PCGF3: variants seen among roughly 807,000 people sequenced by gnomAD.
The protein encoded by PCGF3 is polycomb group RING finger protein 3.
A neutral mutation model predicts 33.1 loss-of-function variants in PCGF3; 7 were observed. The observed-to-expected ratio is 0.21, with a 90% CI of 0.12 to 0.40. The LOEUF is 0.40. Among genes scored for constraint, PCGF3 ranks in the 10% least tolerant of loss-of-function variants. PCGF3 has a pLI of 1.00. For synonymous variants in PCGF3, 153 were observed against 121.3 expected, an observed-to-expected ratio of 1.26 and a Z score of -1.72; for missense variants, 211 against 313.3, an observed-to-expected ratio of 0.67 and a Z score of 2.46.
exon 11 of PCGF3, chr4:767,348 A>C (rs899356713): frequency 1.3e-5 from 2 of 152,348 alleles, no homozygotes; most frequent in East Asian, 3.9e-4. Context: ...TAACTTGGAA[A>C]TATGAAAAGG....
intron 1 of PCGF3, among the ~76,000 whole-genome samples, chr4:709,613 C>T (rs988521023): frequency 7.2e-5 from 11 of 152,256 alleles, no homozygotes; most frequent in South Asian, 2.1e-4. Flanking sequence ...GACATCCCCT[C>T]GGATTAGGCG....
intron 8 of PCGF3, among the ~76,000 whole-genome samples, chr4:751,685 C>T (rs934895148): frequency 3.3e-5 from 5 of 152,024 alleles, no homozygotes; most frequent in African/African-American, 1.2e-4. Context: ...CAGCCTTGTG[C>T]CCTCCCCCGG....
At chr4:734,142 A>G in intron 4 of PCGF3, 1 of 1,550,610 alleles carries the variant, frequency 6.4e-7, no homozygotes, top group Non-Finnish European at 8.7e-7. Flanking sequence ...GGAACCTTCC[A>G]GTGTGTTCTT....
exon 1 of PCGF3, chr4:705,934 G>A (rs1175313697): frequency 6.6e-6 from 1 of 152,126 alleles, no homozygotes; most frequent in Admixed American, 6.5e-5. Context: ...CGCGGACCCC[G>A]CGTGCGCCTT....
intron 4 of PCGF3, chr4:734,081 ACTG>A: frequency 6.4e-7 from 1 of 1,550,698 alleles, no homozygotes; most frequent in South Asian, 1.2e-5. Context: ...GACAGTGCTC[ACTG>A]CTGGCAGTTT....
intron 8 of PCGF3, among the ~76,000 whole-genome samples, chr4:758,643 G>A (rs1744899866): frequency 9.2e-6 from 1 of 108,446 alleles, no homozygotes. Context: ...CCCCTCTCCC[G>A]AGTTCTTCTC....
At chr4:752,063 G>C (rs1173185568) in intron 8 of PCGF3, among the ~76,000 whole-genome samples, 1 of 152,238 alleles carries the variant, frequency 6.6e-6, no homozygotes, top group Non-Finnish European at 1.5e-5. Flanking sequence ...AATACTTGAC[G>C]GGGCCTTTCT....
chr4:710,163 G>C (rs1467048856), intron 1 of PCGF3, among the ~76,000 whole-genome samples: 3 of 152,208 alleles, frequency 2.0e-5, no homozygotes, highest in Non-Finnish European at 2.9e-5. Context: ...CTGTTTCTGT[G>C]GGTTGGGAGA....
intron 8 of PCGF3, among the ~76,000 whole-genome samples, chr4:749,765 C>A (rs1475437679): frequency 6.6e-6 from 1 of 152,172 alleles, no homozygotes; most frequent in African/African-American, 2.4e-5. Flanking sequence ...TCACTGCACC[C>A]AGCCTTGCTG....
Position 738,680 on chromosome 4 carries a change from TC to T in PCGF3, c.262+1160del, listed in dbSNP as rs1397316872. On this transcript the variant is annotated intron_variant, in intron 6 of 10. Coordinates refer to ENST00000362003, the Ensembl canonical transcript of PCGF3. The stretch of plus-strand genomic sequence containing the variant: ...CAGACCAACATAGTGAAACCCTGTC[TC>T]TACCAAAAATACAAAAAAAAAAAAA... 1.6e-4 allele frequency among the ~76,000 whole-genome samples: 19 copies of T among 121,252 alleles called. No homozygotes were observed. The Admixed American group carries it at 1.8e-3, about 11-fold the overall frequency. 79.5% of individuals were successfully genotyped at this position (121,252 alleles called of 152,430 possible).
intron 9 of PCGF3, chr4:762,053 C>T (rs749458587): frequency 7.2e-5 from 71 of 985,116 alleles, no homozygotes; most frequent in Non-Finnish European, 5.5e-5. Context: ...GTGGTGGGGG[C>T]GGTCAGGGTG....
chr4:737,140 T>C (rs1351838260), intron 5 of PCGF3, among the ~76,000 whole-genome samples: 55 of 106,874 alleles, frequency 5.1e-4, no homozygotes, highest in South Asian at 3.0e-3. Flanking sequence ...GCGGGGAACC[T>C]GGGGTGTCTG....
chr4:729,884 A>T (rs1743480755), intron 1 of PCGF3, among the ~76,000 whole-genome samples: 1 of 152,156 alleles, frequency 6.6e-6, no homozygotes. Flanking sequence ...GTCTGACTCC[A>T]GCCACCTGTT....
At chr4:766,211 TGA>T (rs534510831) in exon 11 of PCGF3, 31 of 683,030 alleles carry the variant, frequency 4.5e-5, no homozygotes, top group Middle Eastern at 2.5e-4. Flanking sequence ...AACTTTTGTA[TGA>T]GAGAGAATTC....
At chr4:749,497 T>G (rs1744418345) in intron 8 of PCGF3, among the ~76,000 whole-genome samples, 1 of 139,666 alleles carries the variant, frequency 7.2e-6, no homozygotes, top group South Asian at 2.5e-4. Context: ...TTTTTTTTTT[T>G]TTTGAGACAG....
At chr4:738,879 A>G (rs867039032) in intron 6 of PCGF3, among the ~76,000 whole-genome samples, 1 of 150,288 alleles carries the variant, frequency 6.7e-6, no homozygotes, top group Admixed American at 6.7e-5. Flanking sequence ...ATAAATAAAT[A>G]AAGTGTGCAC....
intron 9 of PCGF3, chr4:762,054 G>C: frequency 1.0e-6 from 1 of 985,348 alleles, no homozygotes; most frequent in Non-Finnish European, 1.2e-6. Flanking sequence ...TGGTGGGGGC[G>C]GTCAGGGTGG....
At chr4:757,949 A>C (rs895711346) in intron 8 of PCGF3, among the ~76,000 whole-genome samples, 1 of 152,070 alleles carries the variant, frequency 6.6e-6, no homozygotes, top group Non-Finnish European at 1.5e-5. Flanking sequence ...TGGGCAGATC[A>C]CGAGGTCAGG....
chr4:770,025 G>A (rs982640595), exon 11 of PCGF3: 1 of 152,568 alleles, frequency 6.6e-6, no homozygotes, highest in Non-Finnish European at 1.5e-5. Context: ...TGATAGTGAA[G>A]CTTGTATTCA....
Sources: gnomAD v4.1 joint callset for allele counts (sites outside exome capture counted in the v4.1 genomes callset) on GRCh38, gnomAD v4.1.1 for gene constraint, MANE v1.5 for transcripts, NCBI Gene and HGNC (gene_info 2026-07-23, HGNC 2026-07-21) for gene names.